RALGDS: variants seen among roughly 807,000 people sequenced by gnomAD.
RALGDS encodes ral guanine nucleotide dissociation stimulator, also known as ral guanine nucleotide exchange factor.
A neutral mutation model predicts 99.8 loss-of-function variants in RALGDS; 44 were observed. The ratio of observed to expected loss-of-function variants is 0.44; its 90% CI spans 0.35 to 0.57. The LOEUF (loss-of-function observed/expected upper bound fraction) is 0.57, where lower values mean the gene tolerates loss of function less well. Ranked by LOEUF, RALGDS falls within the 20% of genes least tolerant of loss-of-function variation. The pLI, the probability that RALGDS is intolerant of heterozygous loss-of-function variation, is 0.01. For synonymous variants in RALGDS, 529 were observed against 505.0 expected (o/e 1.05, Z -0.64); for missense variants, 1,022 against 1,203.1 (o/e 0.85, Z 2.23).
intron 2 of RALGDS, among the ~76,000 whole-genome samples, chr9:133,111,412 T>C (rs556588767): frequency 6.6e-5 from 10 of 152,246 alleles, no homozygotes; most frequent in Admixed American, 5.2e-4. Flanking sequence ...TCCCAAGTAG[T>C]TGGGATTACA....
exon 1 of RALGDS, chr9:133,149,004 C>T (rs1272320662): frequency 1.9e-5 from 29 of 1,562,466 alleles, no homozygotes; most frequent in Non-Finnish European, 2.2e-5. Context: ...GGCACATCGC[C>T]GGCCCCAGGG....
Position 133,098,674 on chromosome 9 carries a change from G to C in RALGDS, c.2658C>G (p.Thr886=). ...YDFVLKKRTF[T]KGVKVKHGAS... ...CTCCGTGCTTGACCTTCACTCCCTTGGTGAAGGTCCGCTTCTTGAGGACAA... is the reference window on the plus strand; with the variant it reads ...CTCCGTGCTTGACCTTCACTCCCTTCGTGAAGGTCCGCTTCTTGAGGACAA... The change falls in exon 18 of 18, where the codon ACC becomes ACG. Residue 886 remains threonine (T), a synonymous_variant. Coordinates refer to ENST00000372050, the MANE Select transcript of RALGDS (RefSeq NM_006266.4). The C allele has an allele frequency of 6.2e-7, 1 of 1,613,752 alleles. No homozygotes were observed. Among genetic ancestry groups the C allele is most frequent in the Non-Finnish European group, 8.5e-7 (1 of 1,179,650 alleles).
At chr9:133,129,495 C>T (rs1372034991) in intron 1 of RALGDS, 2 of 1,347,726 alleles carry the variant, frequency 1.5e-6, no homozygotes, top group South Asian at 1.8e-5. Flanking sequence ...TTGTACCAGG[C>T]CATGGGCCAG....
In RALGDS at chr9:133,112,061, T is replaced by A. The variant is rs1238705307; in HGVS notation, c.275A>T (p.Lys92Met). ...ACTCACCCCGAGCCAGCGCTGCCCC[T>A]TGTTGCCTCCGTGGTGCAGCTGCAC... ...RKVQLHHGGN[K>M]GQRWLGYENE... The change falls in exon 2 of 18, where the codon AAG becomes ATG. Residue 92 changes from lysine to methionine, a missense_variant. Physicochemically the swap from Lys to Met is moderately conservative, Grantham distance 95. Transcript: ENST00000372050. The A allele has an allele frequency of 1.3e-6, 2 of 1,581,844 alleles. No individual in the cohort carries two copies. Among genetic ancestry groups the A allele is most frequent in the South Asian group, 2.3e-5 (2 of 86,752 alleles).
At chr9:133,140,881 TC>T in intron 1 of RALGDS, among the ~76,000 whole-genome samples, 1 of 151,878 alleles carries the variant, frequency 6.6e-6, no homozygotes, top group Non-Finnish European at 1.5e-5. Flanking sequence ...GGCCGGCAGC[TC>T]CCCGCCACTG....
At chr9:133,130,785 G>A (rs1832312678) in intron 1 of RALGDS, among the ~76,000 whole-genome samples, 1 of 152,148 alleles carries the variant, frequency 6.6e-6, no homozygotes, top group Non-Finnish European at 1.5e-5. Flanking sequence ...GAGAGAGCAG[G>A]GACTTGCCCA....
upstream of RALGDS, among the ~76,000 whole-genome samples, chr9:133,121,622 G>C (rs762422961): frequency 5.9e-5 from 9 of 152,230 alleles, no homozygotes; most frequent in Non-Finnish European, 1.0e-4. Flanking sequence ...CCTGGAGTCA[G>C]CTACCCCGAA....
At position 133,100,976 on chromosome 9, in the gene RALGDS, T is replaced by C. The variant is rs530594624; in HGVS notation, c.2454+544A>G. 25 of 1,046,180 alleles carry C rather than the reference T, an allele frequency of 2.4e-5. No individual in the cohort carries two copies. In the South Asian group the frequency reaches 8.4e-4, roughly 35 times the overall value. The allele number at this position is 1,046,180 out of a possible 1,614,324, so 64.8% of individuals were successfully genotyped here. A position where few individuals can be genotyped will look rare whatever the true frequency, so the allele number is the denominator to read the frequency against. On this transcript the variant is annotated intron_variant, in intron 16 of 17. Transcript: ENST00000372050. ...TACAGAGGGTGGGGGTTACAAATGG[T>C]TCATCTGTCGCAGGACACCTGGAGG...
At position 133,102,013 on chromosome 9, in the gene RALGDS, G is replaced by A. The variant is rs35831936; in HGVS notation, c.2136C>T (p.Ala712=). The change falls in exon 15 of 18, where the codon GCC becomes GCT. Residue 712 remains alanine, a synonymous_variant. Coordinates refer to ENST00000372050, the MANE Select transcript of RALGDS (RefSeq NM_006266.4). ...CCTCCACGTCGGAGCTAGAGGAGCC[G>A]GCCGAGTGCACGCTGAGCGCGTCAG... ...DIADALSVHS[A]GSSSSDVEEI... The A allele has an allele frequency of 2.7e-3, 4,160 of 1,552,988 alleles. 99 individuals are homozygous for A. In the African/African-American group the frequency reaches 0.05, roughly 18 times the overall value.
upstream of RALGDS, among the ~76,000 whole-genome samples, chr9:133,133,226 G>A (rs2119256066): frequency 6.6e-6 from 1 of 152,334 alleles, no homozygotes; most frequent in East Asian, 1.9e-4. Context: ...CCTCCTTTCG[G>A]AGCCAGGGTG....
upstream of RALGDS, among the ~76,000 whole-genome samples, chr9:133,121,423 G>A (rs1189635440): frequency 6.6e-6 from 1 of 151,552 alleles, no homozygotes; most frequent in African/African-American, 2.4e-5. Flanking sequence ...GGCGGGGTCT[G>A]AACAAAGAGG....
chr9:133,131,729 C>T (rs74598267), upstream of RALGDS, among the ~76,000 whole-genome samples: 386 of 152,152 alleles, frequency 2.5e-3, 2 homozygotes, highest in African/African-American at 8.7e-3. Flanking sequence ...CCTTGACCTT[C>T]GAGGAACAGT....
chr9:133,115,217 C>CA (rs1243342451), intron 1 of RALGDS, among the ~76,000 whole-genome samples: 1 of 152,222 alleles, frequency 6.6e-6, no homozygotes, highest in Non-Finnish European at 1.5e-5. Context: ...GCTCCGGACT[C>CA]AGACGCCTTT....
In RALGDS at chr9:133,108,699, G is replaced by C; in HGVS notation, c.752C>G (p.Ser251Trp). ...AHLLLAQLEH[S>W]EPIEAEPEAL... Reference sequence around the variant, plus strand: ...CTCAGGCTCTGCCTCAATGGGTTCCGAGTGCTCCAGCTGGGCCAGGAGAAG... The same window carrying C: ...CTCAGGCTCTGCCTCAATGGGTTCCCAGTGCTCCAGCTGGGCCAGGAGAAG... Residue 251 changes from serine (S) to tryptophan (W), a missense_variant, in exon 5 of 18, where the codon TCG (serine) becomes TGG (tryptophan). Physicochemically the swap from Ser to Trp is radical, Grantham distance 177. This residue lies in a region of RALGDS where 825 missense variants were observed against 994.5 expected (regional missense o/e 0.83). Coordinates refer to ENST00000372050, the MANE Select transcript of RALGDS (RefSeq NM_006266.4). 6.2e-7 allele frequency: 1 copy of C among 1,613,680 alleles called. No individual in the cohort carries two copies.
chr9:133,131,105 C>G (rs1832321062), exon 1 of RALGDS: 1 of 1,456,738 alleles, frequency 6.9e-7, no homozygotes, highest in African/African-American at 1.4e-5. Flanking sequence ...GCCCGGCTTC[C>G]CGCCCAGACA....
chr9:133,100,385 GCATCGCGGCGGGGGATGGAC>G lies in RALGDS; in HGVS notation c.2455-23_2455-4del. On this transcript the variant is annotated splice_polypyrimidine_tract_variant and splice_region_variant and intron_variant, in intron 16 of 17. Transcript: ENST00000372050. ...GGAGCCTTATCTTGGCTGGTCACCT[GCATCGCGGCGGGGGATGGAC>G]CATCAGGGAAAAGACCCTGGAGCGG... The G allele has an allele frequency of 6.2e-7, 1 of 1,614,002 alleles. No homozygotes were observed. Among genetic ancestry groups the G allele is most frequent in the Non-Finnish European group, 8.5e-7 (1 of 1,179,890 alleles).
chr9:133,111,633 T>C (rs1482857450), intron 2 of RALGDS, among the ~76,000 whole-genome samples: 1 of 152,192 alleles, frequency 6.6e-6, no homozygotes, highest in Non-Finnish European at 1.5e-5. Flanking sequence ...CCCACAGTCA[T>C]GAGGAGCTGA....
intron 16 of RALGDS, chr9:133,100,609 T>A: frequency 1.4e-6 from 2 of 1,420,148 alleles, no homozygotes; most frequent in South Asian, 2.9e-5. Flanking sequence ...TGAGGAGGGG[T>A]CTGTCCCAGC....
At chr9:133,101,237 G>C (rs1041432870) in intron 16 of RALGDS, 23 of 1,307,384 alleles carry the variant, frequency 1.8e-5, no homozygotes, top group Non-Finnish European at 2.1e-5. Flanking sequence ...GCAGGGCTCA[G>C]GGCCTATGTG....
Sources: allele counts gnomAD v4.1 joint callset (sites outside exome capture counted in the v4.1 genomes callset), GRCh38; gene constraint gnomAD v4.1.1; regional missense constraint gnomAD v4.1.1; transcripts MANE v1.5; gene names NCBI Gene and HGNC (gene_info 2026-07-23, HGNC 2026-07-21).